Variants in KANK1 observed in about 807,000 individuals in gnomAD.
KANK1 encodes the protein KN motif and ankyrin repeat domains 1, also known as KN motif and ankyrin repeat domain-containing protein 1.
KANK1 carries 109 observed loss-of-function variants against 106.2 expected under a neutral mutation model. That is an observed-to-expected ratio of 1.03 (90% confidence interval 0.88 to 1.20). The LOEUF is 1.20. Among genes scored for constraint, KANK1 ranks in the 50% most tolerant of loss-of-function variants. The pLI, the probability that KANK1 is intolerant of heterozygous loss-of-function variation, is 0.00. For synonymous variants in KANK1, 873 were observed against 652.2 expected (o/e 1.34, Z -5.16); for missense variants, 2,399 against 1,710.7 (o/e 1.40, Z -7.10).
At chr9:720,126 A>G (rs1425908934) in intron 3 of KANK1, among the ~76,000 whole-genome samples, 1 of 152,198 alleles carries the variant, frequency 6.6e-6, no homozygotes, top group African/African-American at 2.4e-5. Context: ...TTTAGTGATC[A>G]CTAATCTGAC....
Position 634,731 on chromosome 9 carries a change from A to G in KANK1, c.-83-42159A>G, listed in dbSNP as rs184297113. On this transcript the variant is annotated intron_variant, in intron 1 of 11. Transcript: ENST00000382297. ...TGGTTATCTTAGCCCATGCCCAGGA[A>G]TGAACCAGCCTGTGAGGCCAGAAGC... Among the ~76,000 whole-genome samples, 75 of 152,356 alleles carry G rather than the reference A, an allele frequency of 4.9e-4. 1 individual carries two copies. The highest frequency in any genetic ancestry group is 1.6e-3 in the African/African-American group (67 of 41,572).
At chr9:726,494 C>T (rs1431648883) in intron 3 of KANK1, among the ~76,000 whole-genome samples, 2 of 152,094 alleles carry the variant, frequency 1.3e-5, no homozygotes, top group African/African-American at 4.8e-5. Context: ...CAAAAATTAG[C>T]TAGGCATGGT....
intron 3 of KANK1, among the ~76,000 whole-genome samples, chr9:717,818 G>A (rs1378572598): frequency 6.6e-6 from 1 of 152,030 alleles, no homozygotes; most frequent in Non-Finnish European, 1.5e-5. Context: ...ATGACTTACA[G>A]ATACTCTAAA....
At chr9:514,796 G>T (rs549493922) in intron 1 of KANK1, among the ~76,000 whole-genome samples, 7 of 151,826 alleles carry the variant, frequency 4.6e-5, no homozygotes, top group African/African-American at 1.5e-4. Context: ...ATTTAAGTTA[G>T]ATATATATCT....
chr9:548,086 G>A (rs1331575839), intron 1 of KANK1, among the ~76,000 whole-genome samples: 1 of 152,104 alleles, frequency 6.6e-6, no homozygotes. Context: ...TATTTCTCAT[G>A]TATTTCATGG....
intron 1 of KANK1, among the ~76,000 whole-genome samples, chr9:579,226 C>G (rs1026453033): frequency 2.4e-4 from 36 of 152,092 alleles, no homozygotes; most frequent in African/African-American, 7.7e-4. Context: ...CTGCTTCCCT[C>G]TGCCCCCAGT....
chr9:494,308 T>G (rs1307590842), intron 3 of KANK1, among the ~76,000 whole-genome samples: 2 of 152,254 alleles, frequency 1.3e-5, no homozygotes, highest in East Asian at 3.8e-4. Context: ...ATTTTTTATA[T>G]AATTGTTATC....
chr9:575,364 G>C (rs1485746356), intron 1 of KANK1, among the ~76,000 whole-genome samples: 1 of 152,130 alleles, frequency 6.6e-6, no homozygotes, highest in Non-Finnish European at 1.5e-5. Flanking sequence ...TGAGACTTCT[G>C]TTTTATATAA....
chr9:585,902 A>C (rs1450699877), intron 1 of KANK1, among the ~76,000 whole-genome samples: 1 of 152,242 alleles, frequency 6.6e-6, no homozygotes. Context: ...GGAAGAACTG[A>C]AGGTCAACAG....
At chr9:479,060 C>A (rs1383364176) in intron 3 of KANK1, among the ~76,000 whole-genome samples, 1 of 151,914 alleles carries the variant, frequency 6.6e-6, no homozygotes, top group Non-Finnish European at 1.5e-5. Context: ...GGGATTACAG[C>A]CACCCATAGA....
intron 1 of KANK1, among the ~76,000 whole-genome samples, chr9:592,757 A>G (rs2804284): frequency 0.37 from 56,282 of 151,826 alleles, 12,749 homozygotes; most frequent in South Asian, 0.57. Context: ...TCCCAAATGA[A>G]TAGCCACCTG....
At position 477,515 on chromosome 9, in the gene KANK1, C is replaced by T. The variant is rs140674764; in HGVS notation, c.-362+4242C>T. On this transcript the variant is annotated intron_variant, in intron 3 of 15. Transcript: ENST00000382303. ...TGATGTAAGAGGTGTCCCTACTGCA[C>T]AGAAAAGATGGGGTGTTTTTCCTTT... Among the ~76,000 whole-genome samples the T allele has an allele frequency of 1.2e-3, 177 of 152,188 alleles. 3 individuals are homozygous for T. Among genetic ancestry groups the T allele is most frequent in the African/African-American group, 3.9e-3 (164 of 41,530 alleles).
intron 1 of KANK1, among the ~76,000 whole-genome samples, chr9:577,454 C>A (rs1820883475): frequency 6.6e-6 from 1 of 152,004 alleles, no homozygotes; most frequent in Admixed American, 6.6e-5. Flanking sequence ...GATTGGCGCG[C>A]TTACAAACCT....
intron 3 of KANK1, among the ~76,000 whole-genome samples, chr9:723,266 C>G (rs1829825529): frequency 6.6e-6 from 1 of 152,072 alleles, no homozygotes; most frequent in Admixed American, 6.6e-5. Context: ...ATTGGAGAAG[C>G]TTTAAAAAGC....
At chr9:611,738 A>G (rs1830600725) in intron 1 of KANK1, among the ~76,000 whole-genome samples, 2 of 151,378 alleles carry the variant, frequency 1.3e-5, no homozygotes, top group African/African-American at 4.9e-5. Flanking sequence ...TTTTTTTTGG[A>G]GACAAAGTCT....
At chr9:497,281 C>G (rs1386832247) in intron 3 of KANK1, among the ~76,000 whole-genome samples, 1 of 152,204 alleles carries the variant, frequency 6.6e-6, no homozygotes, top group Non-Finnish European at 1.5e-5. Context: ...AGGGAACACA[C>G]AGCTTTCCTT....
intron 2 of KANK1, among the ~76,000 whole-genome samples, chr9:688,422 G>A (rs573693845): frequency 1.3e-5 from 2 of 152,216 alleles, no homozygotes; most frequent in East Asian, 1.9e-4. Flanking sequence ...CCTGGCCAAC[G>A]GGGTGAAACC....
At chr9:681,422 T>G (rs1162497895) in intron 2 of KANK1, among the ~76,000 whole-genome samples, 1 of 152,150 alleles carries the variant, frequency 6.6e-6, no homozygotes, top group Non-Finnish European at 1.5e-5. Flanking sequence ...CCCAAGTTTC[T>G]GAATCATGTT....
intron 1 of KANK1, among the ~76,000 whole-genome samples, chr9:530,814 C>T (rs2060021976): frequency 6.6e-6 from 1 of 151,920 alleles, no homozygotes; most frequent in East Asian, 1.9e-4. Flanking sequence ...TATGATGAAA[C>T]TCTGTCTCTA....
Sources: allele counts gnomAD v4.1 joint callset (sites outside exome capture counted in the v4.1 genomes callset), GRCh38; gene constraint gnomAD v4.1.1; transcripts MANE v1.5; gene names NCBI Gene and HGNC (gene_info 2026-07-23, HGNC 2026-07-21).